The following MARCHF1 variants were observed in gnomAD, a reference collection of about 807,000 sequenced individuals.
MARCHF1 encodes membrane associated ring-CH-type finger 1.
MARCHF1 carries 40 observed loss-of-function variants against 54.2 expected under a neutral mutation model. The observed-to-expected ratio is 0.74, with a 90% confidence interval of 0.57 to 0.96. The LOEUF (loss-of-function observed/expected upper bound fraction) is 0.96, where lower values mean the gene tolerates loss of function less well. MARCHF1 is among the 40% of genes least tolerant of loss of function. MARCHF1 has a pLI of 0.00. For synonymous variants in MARCHF1, 236 were observed against 236.3 expected (o/e 1.00, Z 0.01); for missense variants, 586 against 656.5 (o/e 0.89, Z 1.17).
At position 163,771,357 on chromosome 4, in the gene MARCHF1, G is replaced by T. The variant is rs566699822; in HGVS notation, c.112-70494C>A. ...GCGGCTTTTCTAAGATTCACCTGGGGAGCTGTTTTAGTCCATTCAGGCTGC... is the reference window on the plus strand; with the variant it reads ...GCGGCTTTTCTAAGATTCACCTGGGTAGCTGTTTTAGTCCATTCAGGCTGC... On this transcript the variant is annotated intron_variant, in intron 4 of 9. Coordinates refer to ENST00000514618, the MANE Select transcript of MARCHF1 (RefSeq NM_001394959.1). Among the ~76,000 whole-genome samples the T allele has an allele frequency of 7.2e-5, 11 of 152,244 alleles. No individual in the cohort carries two copies. The South Asian group carries it at 2.3e-3, about 32-fold the overall frequency.
At chr4:163,896,820 G>T (rs1310648779) in intron 3 of MARCHF1, among the ~76,000 whole-genome samples, 1 of 152,134 alleles carries the variant, frequency 6.6e-6, no homozygotes, top group Non-Finnish European at 1.5e-5. Flanking sequence ...GGATTGGGAG[G>T]TAAGAGTCAT....
rs1048823401 is a variant in MARCHF1, at chr4:163,623,883, C to G, written c.163-10490G>C. On this transcript the variant is annotated intron_variant, in intron 5 of 9. Transcript: ENST00000514618. ...AGCAGTGCTTTGAGGAGAACCCAAA[C>G]TGGAGAGAGAGGCAGTTGATACTAG... is the stretch of plus-strand genomic sequence containing the variant. 2.6e-5 allele frequency among the ~76,000 whole-genome samples: 4 copies of G among 152,128 alleles called. No homozygotes were observed. In the South Asian group the frequency reaches 8.3e-4, roughly 32 times the overall value.
intron 1 of MARCHF1, among the ~76,000 whole-genome samples, chr4:164,122,086 C>T (rs1312147903): frequency 6.6e-6 from 1 of 151,978 alleles, no homozygotes; most frequent in Non-Finnish European, 1.5e-5. Context: ...GAATGAAGGA[C>T]AAAAACCATA....
intron 1 of MARCHF1, among the ~76,000 whole-genome samples, chr4:164,339,085 A>G (rs1729841406): frequency 6.6e-6 from 1 of 152,230 alleles, no homozygotes; most frequent in Non-Finnish European, 1.5e-5. Flanking sequence ...TCAAATATCA[A>G]CAAAACTGAA....
intron 2 of MARCHF1, among the ~76,000 whole-genome samples, chr4:163,998,227 C>A (rs1753117486): frequency 6.6e-6 from 1 of 151,322 alleles, no homozygotes. Context: ...AGACTATTCT[C>A]TATCTATACT....
At chr4:163,633,204 G>A (rs377490873) in intron 5 of MARCHF1, among the ~76,000 whole-genome samples, 18 of 152,194 alleles carry the variant, frequency 1.2e-4, no homozygotes, top group African/African-American at 2.4e-4. Context: ...CTCCTCCAAC[G>A]GAACTCAGCT....
In MARCHF1 at chr4:164,137,452, C is replaced by T. The variant is rs772433606; in HGVS notation, c.-322-25790G>A. Among the ~76,000 whole-genome samples, 45 of 152,210 alleles carry T rather than the reference C, an allele frequency of 3.0e-4. No individual in the cohort carries two copies. In the Middle Eastern group the frequency reaches 0.017, roughly 58 times the overall value. On this transcript the variant is annotated intron_variant, in intron 1 of 9. Coordinates refer to ENST00000514618, the MANE Select transcript of MARCHF1 (RefSeq NM_001394959.1). ...TATGGTAACATATTTCATGCAACAT[C>T]AACAGAGTGATTTTTTTAAATAGCA...
chr4:164,079,587 C>G (rs956464485), intron 2 of MARCHF1, among the ~76,000 whole-genome samples: 4 of 152,044 alleles, frequency 2.6e-5, no homozygotes, highest in Admixed American at 6.5e-5. Flanking sequence ...ACTTATATAA[C>G]TTCTAACTTC....
intron 3 of MARCHF1, among the ~76,000 whole-genome samples, chr4:163,969,257 T>C (rs191458407): frequency 3.8e-4 from 58 of 152,330 alleles, no homozygotes; most frequent in African/African-American, 1.3e-3. Flanking sequence ...CTAAGCTCAA[T>C]ATTTAAGAGT....
rs1254403382 is a variant in MARCHF1 at position 163,944,549 on chromosome 4, T to C, written c.-39+43952A>G. Among the ~76,000 whole-genome samples, 6 of 152,260 alleles carry C rather than the reference T, an allele frequency of 3.9e-5. No homozygotes were observed. In the South Asian group the frequency reaches 8.3e-4, roughly 21 times the overall value. ...TCCTTCCTGGTTGGCCAAGGCTGTA[T>C]TGGATCTGCACTGCATTTCAACTTT... On this transcript the variant is annotated intron_variant, in intron 3 of 9. Coordinates refer to ENST00000514618, the MANE Select transcript of MARCHF1 (RefSeq NM_001394959.1).
chr4:164,138,082 C>G (rs888056409), intron 1 of MARCHF1, among the ~76,000 whole-genome samples: 1 of 152,062 alleles, frequency 6.6e-6, no homozygotes, highest in Non-Finnish European at 1.5e-5. Context: ...CACAGTGGAC[C>G]CCAGCAGCCA....
chr4:164,170,710 G>A (rs960118371), intron 1 of MARCHF1, among the ~76,000 whole-genome samples: 1 of 152,066 alleles, frequency 6.6e-6, no homozygotes, highest in Non-Finnish European at 1.5e-5. Flanking sequence ...GAAGGGCAGA[G>A]TCATTTAAAT....
At position 163,743,557 on chromosome 4, in the gene MARCHF1, A is replaced by G. The variant is rs1183697127; in HGVS notation, c.112-42694T>C. Among the ~76,000 whole-genome samples, 9 of 151,308 alleles carry G rather than the reference A, an allele frequency of 5.9e-5. No individual in the cohort carries two copies. In the East Asian group the frequency reaches 1.8e-3, roughly 29 times the overall value. On this transcript the variant is annotated intron_variant, in intron 4 of 9. Coordinates refer to ENST00000514618, the MANE Select transcript of MARCHF1 (RefSeq NM_001394959.1). ...GCAAATTCAATTAAATTAACAAGCA[A>G]TGGAAAGATGATACACCATCTTTTT... is the stretch of plus-strand genomic sequence containing the variant.
intron 3 of MARCHF1, among the ~76,000 whole-genome samples, chr4:163,875,796 T>C (rs928495530): frequency 6.6e-6 from 1 of 152,144 alleles, no homozygotes; most frequent in Non-Finnish European, 1.5e-5. Context: ...AATACACAGT[T>C]TGAAGAAAAT....
At chr4:163,849,240 A>C (rs1749576084) in intron 4 of MARCHF1, among the ~76,000 whole-genome samples, 3 of 152,144 alleles carry the variant, frequency 2.0e-5, no homozygotes, top group Non-Finnish European at 4.4e-5. Context: ...TATACCTCAG[A>C]TTCTTTATTT....
At position 163,881,966 on chromosome 4, in the gene MARCHF1, A is replaced by G. The variant is rs200482487; in HGVS notation, c.-38-27797T>C. ...TGAGGCTACCCTAGTGAAAACTACA[A>G]ATAAAATCATAAAGTTCTTTGTCAC... On this transcript the variant is annotated intron_variant, in intron 3 of 9. Coordinates refer to ENST00000514618, the MANE Select transcript of MARCHF1 (RefSeq NM_001394959.1). Among the ~76,000 whole-genome samples the G allele has an allele frequency of 9.8e-5, 15 of 152,312 alleles. No homozygotes were observed. In the East Asian group the frequency reaches 2.9e-3, roughly 29 times the overall value.
chr4:164,229,725 C>A (rs1345333146), intron 1 of MARCHF1, among the ~76,000 whole-genome samples: 1 of 152,054 alleles, frequency 6.6e-6, no homozygotes, highest in Non-Finnish European at 1.5e-5. Context: ...AAAATCATGG[C>A]AGAAGGCGAA....
intron 5 of MARCHF1, among the ~76,000 whole-genome samples, chr4:163,690,014 C>A (rs766247078): frequency 3.9e-5 from 6 of 152,020 alleles, no homozygotes; most frequent in Non-Finnish European, 7.4e-5. Context: ...ACCCCTTTTT[C>A]TGAGGTTTTT....
At chr4:163,763,000 A>T (rs1746870773) in intron 4 of MARCHF1, among the ~76,000 whole-genome samples, 1 of 152,238 alleles carries the variant, frequency 6.6e-6, no homozygotes, top group Non-Finnish European at 1.5e-5. Context: ...TGTCACTGGA[A>T]TCCTCAATGT....
Sources: gnomAD v4.1 joint callset for allele counts (sites outside exome capture counted in the v4.1 genomes callset) on GRCh38, gnomAD v4.1.1 for gene constraint, MANE v1.5 for transcripts, NCBI Gene and HGNC (gene_info 2026-07-23, HGNC 2026-07-21) for gene names.